ZNF397: variants seen among roughly 807,000 people sequenced by gnomAD.
The protein encoded by ZNF397 is zinc finger protein 397.
In ZNF397, 38 loss-of-function variants were observed where a neutral mutation model predicts 50.6. The ratio of observed to expected loss-of-function variants is 0.75; its 90% CI spans 0.58 to 0.98. The LOEUF is 0.98. ZNF397 is among the 50% of genes least tolerant of loss of function. The pLI, the probability that ZNF397 is intolerant of heterozygous loss-of-function variation, is 0.00. For synonymous variants in ZNF397, 228 were observed against 215.2 expected (o/e 1.06, Z -0.52); for missense variants, 624 against 624.1 (o/e 1.00, Z 0.00).
At chr18:35,256,967 G>C (rs62096498) in intron 5 of ZNF397, 4,946 of 153,664 alleles carry the variant, frequency 0.032, 108 homozygotes, top group Non-Finnish European at 0.049. Flanking sequence ...GTAGACACGG[G>C]GTCTTGCCAT....
Position 35,248,157 on chromosome 18 carries a change from A to G in ZNF397, c.*1847A>G, listed in dbSNP as rs986695637. Reference sequence around the variant, plus strand: ...CACAAAGACATATTCAAAAGACCTAATAGGTCAGAAGAATAACATACCACA... The same window carrying G: ...CACAAAGACATATTCAAAAGACCTAGTAGGTCAGAAGAATAACATACCACA... On this transcript the variant is annotated 3_prime_UTR_variant, in exon 4 of 4. Transcript: ENST00000330501. The G allele has an allele frequency of 1.3e-5, 2 of 152,238 alleles. No homozygotes were observed. Among genetic ancestry groups the G allele is most frequent in the African/African-American group, 2.4e-5 (1 of 41,466 alleles). The allele number at this position is 152,238 out of a possible 1,614,324, so 9.4% of individuals were successfully genotyped here.
At chr18:35,257,780 C>A in intron 5 of ZNF397, 1 of 712,540 alleles carries the variant, frequency 1.4e-6, no homozygotes, top group South Asian at 1.6e-5. Context: ...CCCATCTCTG[C>A]GTCAAGAAGA....
downstream of ZNF397, among the ~76,000 whole-genome samples, chr18:35,250,642 C>G (rs961372535): frequency 6.6e-6 from 1 of 152,212 alleles, no homozygotes; most frequent in East Asian, 1.9e-4. Flanking sequence ...TCTCTCCAAG[C>G]TCATTGAAGA....
intron 5 of ZNF397, chr18:35,257,537 A>G (rs1569064872): frequency 4.4e-6 from 1 of 224,984 alleles, no homozygotes; most frequent in East Asian, 1.2e-4. Flanking sequence ...CATCCATGAG[A>G]AAGTGGGACC....
rs116295705 is a variant in ZNF397, at chr18:35,257,781, G to A, written c.818-147G>A. 2.1e-3 allele frequency: 1,513 copies of A among 720,916 alleles called. 14 individuals carry two copies. The highest frequency in any genetic ancestry group is 0.021 in the African/African-American group (1,182 of 57,528). 44.7% of individuals were successfully genotyped at this position (720,916 alleles called of 1,614,324 possible). On this transcript the variant is annotated intron_variant, in intron 5 of 5. Coordinates refer to the ZNF397 transcript ENST00000261333. ...TCCACCTTCATTGCCCCATCTCTGC[G>A]TCAAGAAGAGACAACTCTGCAGTGC...
At chr18:35,254,064 GT>G (rs771999866), downstream of ZNF397, 2 of 1,614,110 alleles carry the variant, frequency 1.2e-6, no homozygotes, top group South Asian at 1.1e-5. Context: ...ACGCTCTGTT[GT>G]GTAATATCAT....
chr18:35,241,218 G>C (rs1221480931), intron 1 of ZNF397, 109 bp downstream of exon 1: 1 of 152,212 alleles, frequency 6.6e-6, no homozygotes, highest in Non-Finnish European at 1.5e-5. Flanking sequence ...CGGCCCTTTG[G>C]CCCGCGCGGC....
downstream of ZNF397, chr18:35,251,955 C>T (rs1173577234): frequency 6.6e-6 from 1 of 152,070 alleles, no homozygotes; most frequent in African/African-American, 2.4e-5. Flanking sequence ...TATTAATTGC[C>T]CTCAGCAATT....
rs1013010531 is a variant in ZNF397 at position 35,241,040 on chromosome 18, G to C, written c.-150G>C. On this transcript the variant is annotated 5_prime_UTR_variant, in exon 1 of 4. Coordinates refer to ENST00000330501, the MANE Select transcript of ZNF397 (RefSeq NM_001135178.3). ...CGCGAGAGCGGAACACTGCGTACGC[G>C]CACTTCCGGTCTTTGTGGCTTGCAG... 1 of 152,386 alleles carries C rather than the reference G, an allele frequency of 6.6e-6. No individual in the cohort carries two copies. Among genetic ancestry groups the C allele is most frequent in the African/African-American group, 2.4e-5 (1 of 41,468 alleles). The allele number at this position is 152,386 out of a possible 1,614,324, so 9.4% of individuals were successfully genotyped here. A position where few individuals can be genotyped will look rare whatever the true frequency, so the allele number is the denominator to read the frequency against.
At chr18:35,250,886 A>G (rs1193173655), downstream of ZNF397, among the ~76,000 whole-genome samples, 1 of 152,188 alleles carries the variant, frequency 6.6e-6, no homozygotes, top group Non-Finnish European at 1.5e-5. Context: ...ACTTTGGTTA[A>G]CTGCAGCCCC....
chr18:35,252,176 G>C (rs2143636283), downstream of ZNF397: 2 of 152,272 alleles, frequency 1.3e-5, 1 homozygote, highest in South Asian at 4.1e-4. Flanking sequence ...CTGAGTTGGG[G>C]AGCCTATTCT....
chr18:35,253,959 C>G, downstream of ZNF397: 1 of 1,614,214 alleles, frequency 6.2e-7, no homozygotes, highest in Non-Finnish European at 8.5e-7. Context: ...TAAGGTCTCT[C>G]TCCAGTATGA....
rs146480648 is a variant in ZNF397 at position 35,242,612 on chromosome 18, T to C, written c.142T>C (p.Leu48=). The change falls in exon 2 of 4, where the codon TTG becomes CTG. Residue 48 remains leucine (L), a synonymous_variant. Transcript: ENST00000330501. ...TGGGAGTACTCAATCCTGCCAAGAATTGTTTCGTCAGCAATTCAGAAAATT... is the reference window on the plus strand; with the variant it reads ...TGGGAGTACTCAATCCTGCCAAGAACTGTTTCGTCAGCAATTCAGAAAATT... The part of the protein sequence containing the change: ...QNGSTQSCQE[L]FRQQFRKFCY... 2.5e-6 allele frequency: 4 copies of C among 1,614,242 alleles called. No individual in the cohort carries two copies. In the African/African-American group the frequency reaches 5.3e-5, roughly 22 times the overall value.
intron 3 of ZNF397, 58 bp downstream of exon 3, chr18:35,243,351 T>C: frequency 6.2e-7 from 1 of 1,613,078 alleles, no homozygotes; most frequent in Non-Finnish European, 8.5e-7. Context: ...TTTTTGAGAA[T>C]GCAGAATTAA....
chr18:35,253,366 T>C, downstream of ZNF397: 2 of 1,182,894 alleles, frequency 1.7e-6, no homozygotes, highest in East Asian at 2.4e-5. Flanking sequence ...AGTTCTGCTC[T>C]CAGGAAACTT....
Position 35,257,927 on chromosome 18 carries a change from G to C in ZNF397, c.818-1G>C. ...ATCCTGCTTCTCTCTCTCCATTACA[G>C]ATTTTTCCTGAAGAACACATCGTCA... On this transcript the variant is annotated splice_acceptor_variant, in intron 5 of 5. Coordinates refer to the ZNF397 transcript ENST00000261333. LOFTEE classifies it high-confidence loss of function. 1 of 781,016 alleles carries C rather than the reference G, an allele frequency of 1.3e-6. No individual in the cohort carries two copies. Among genetic ancestry groups the C allele is most frequent in the Non-Finnish European group, 2.4e-6 (1 of 418,120 alleles). The allele number at this position is 781,016 out of a possible 1,614,324, so 48.4% of individuals were successfully genotyped here. A position where few individuals can be genotyped will look rare whatever the true frequency, so the allele number is the denominator to read the frequency against.
intron 1 of ZNF397, 140 bp downstream of exon 1, chr18:35,241,249 C>A (rs1366042550): frequency 6.6e-6 from 1 of 152,246 alleles, no homozygotes; most frequent in Non-Finnish European, 1.5e-5. Flanking sequence ...GACTGGGGAA[C>A]TCAGAGGAGG....
chr18:35,254,060 T>C, downstream of ZNF397: 2 of 1,614,204 alleles, frequency 1.2e-6, no homozygotes, highest in Non-Finnish European at 8.5e-7. Flanking sequence ...GTCAACGCTC[T>C]GTTGTGTAAT....
chr18:35,250,303 T>TC (rs1156259669), downstream of ZNF397, among the ~76,000 whole-genome samples: 1 of 152,154 alleles, frequency 6.6e-6, no homozygotes, highest in Non-Finnish European at 1.5e-5. Flanking sequence ...GGTCAAAACT[T>TC]CAACATTCCA....
Sources: gnomAD v4.1 joint callset for allele counts (sites outside exome capture counted in the v4.1 genomes callset) on GRCh38, gnomAD v4.1.1 for gene constraint, MANE v1.5 for transcripts, NCBI Gene and HGNC (gene_info 2026-07-23, HGNC 2026-07-21) for gene names.